Variants in LRRK1 observed in about 807,000 individuals in gnomAD.
LRRK1 encodes the protein leucine-rich repeat serine/threonine-protein kinase 1.
In LRRK1, 113 loss-of-function variants were observed where a neutral mutation model predicts 209.1. That is an observed-to-expected ratio of 0.54 (90% CI 0.46 to 0.63). LRRK1 has a LOEUF of 0.63. LRRK1 is among the 30% of genes least tolerant of loss of function. The pLI is 0.00. For missense variants in LRRK1, 2,284 were observed against 2,632.2 expected (o/e 0.87, Z 2.89); for synonymous variants, 1,144 against 1,099.7 (o/e 1.04, Z -0.80).
rs8043509 is a variant in LRRK1, at chr15:101,076,996, A to C, written c.*8148A>C. On this transcript the variant is annotated 3_prime_UTR_variant, in exon 34 of 34. Transcript: ENST00000388948. ...CAGCCAAGCGTTTTTTCAGGCTCTT[A>C]GTATTCAGTGAAACCTTTATATCCC... is the stretch of plus-strand genomic sequence containing the variant. The C allele has an allele frequency of 6.6e-6, 1 of 151,614 alleles. No homozygotes were observed. The highest frequency in any genetic ancestry group is 1.5e-5 in the Non-Finnish European group (1 of 67,886). The allele number at this position is 151,614 out of a possible 1,614,324, so 9.4% of individuals were successfully genotyped here. A position where few individuals can be genotyped will look rare whatever the true frequency, so the allele number is the denominator to read the frequency against.
rs142906955 is a variant in LRRK1 at position 101,032,855 on chromosome 15, A to G, written c.2963+3623A>G. Among the ~76,000 whole-genome samples the G allele has an allele frequency of 7.6e-3, 1,162 of 152,328 alleles. 20 individuals carry two copies. The highest frequency in any genetic ancestry group is 0.026 in the African/African-American group (1,101 of 41,564). On this transcript the variant is annotated intron_variant, in intron 20 of 33. Coordinates refer to ENST00000388948, the MANE Select transcript of LRRK1 (RefSeq NM_024652.6). The stretch of plus-strand genomic sequence containing the variant: ...TTTTGTTCCACTAATATATATGCCT[A>G]TCCTTATGCCAGTGCCAAACCCCAC...
intron 9 of LRRK1, among the ~76,000 whole-genome samples, chr15:101,011,794 C>G (rs2033262212): frequency 6.6e-6 from 1 of 152,128 alleles, no homozygotes; most frequent in South Asian, 2.1e-4. Flanking sequence ...ATGAGCTCCC[C>G]CAGGAAACCC....
At chr15:100,939,581 T>C (rs2042363924) in intron 2 of LRRK1, among the ~76,000 whole-genome samples, 1 of 152,246 alleles carries the variant, frequency 6.6e-6, no homozygotes, top group South Asian at 2.1e-4. Context: ...AACGTCCTAA[T>C]GGTTTTTCGA....
chr15:100,996,279 C>T (rs2032405503), intron 6 of LRRK1, among the ~76,000 whole-genome samples: 1 of 152,242 alleles, frequency 6.6e-6, no homozygotes, highest in South Asian at 2.1e-4. Flanking sequence ...TCTCAGCAGG[C>T]GGTGCTGCTG....
intron 1 of LRRK1, among the ~76,000 whole-genome samples, chr15:100,922,715 C>T (rs2141588962): frequency 6.6e-6 from 1 of 152,334 alleles, no homozygotes; most frequent in South Asian, 2.1e-4. Flanking sequence ...ATAAGGCTTT[C>T]ATCATCCCCT....
At chr15:101,039,814 C>A (rs2034662096) in intron 20 of LRRK1, among the ~76,000 whole-genome samples, 1 of 152,196 alleles carries the variant, frequency 6.6e-6, no homozygotes, top group African/African-American at 2.4e-5. Context: ...TTTTGTCCCC[C>A]AAAAATGCTT....
intron 2 of LRRK1, among the ~76,000 whole-genome samples, chr15:100,963,864 A>C (rs2030268671): frequency 6.6e-6 from 1 of 152,180 alleles, no homozygotes; most frequent in Non-Finnish European, 1.5e-5. Flanking sequence ...TCAATGTTTT[A>C]CTGTGTCAGG....
intron 11 of LRRK1, 81 bp downstream of exon 11, chr15:101,014,509 T>A: frequency 1.1e-6 from 1 of 949,642 alleles, no homozygotes; most frequent in South Asian, 1.4e-5. Flanking sequence ...AATGGTGGCA[T>A]GTGAGTCTGC....
chr15:100,980,398 G>T lies in LRRK1; in HGVS notation c.262-3130G>T, dbSNP rs74040209. On this transcript the variant is annotated intron_variant, in intron 3 of 33. Transcript: ENST00000388948. ...GTGGAAGAGAGATTAGTGTTTGTCA[G>T]GGGTTAGAGATGGTGAAAAGGAAGA... Among the ~76,000 whole-genome samples the T allele has an allele frequency of 2.4e-3, 360 of 152,246 alleles. 3 individuals are homozygous for T. Among genetic ancestry groups the T allele is most frequent in the African/African-American group, 8.3e-3 (346 of 41,546 alleles).
intron 12 of LRRK1, among the ~76,000 whole-genome samples, chr15:101,019,426 A>G (rs895811579): frequency 2.0e-5 from 3 of 152,214 alleles, no homozygotes; most frequent in African/African-American, 7.2e-5. Flanking sequence ...GCAAGGACTC[A>G]TACAAAGCCA....
chr15:101,004,655 CA>C (rs1396747448), intron 6 of LRRK1, among the ~76,000 whole-genome samples: 2 of 152,198 alleles, frequency 1.3e-5, no homozygotes, highest in African/African-American at 4.8e-5. Flanking sequence ...TCAAGCTGAA[CA>C]GAGCCCAAAA....
Position 100,988,711 on chromosome 15 carries a change from C to A in LRRK1, c.511C>A (p.Leu171Ile), listed in dbSNP as rs1032895584. 3 of 1,614,104 alleles carry A rather than the reference C, an allele frequency of 1.9e-6. No individual in the cohort carries two copies. Among genetic ancestry groups the A allele is most frequent in the African/African-American group, 2.7e-5 (2 of 74,940 alleles). ...CQRGHLGVVK[L>I]LVLTHGADPE... Reference sequence around the variant, plus strand: ...GCGAGGGCACCTGGGGGTTGTGAAGCTCCTGGTCCTGACGCACGGGGCTGA... The same window carrying A: ...GCGAGGGCACCTGGGGGTTGTGAAGATCCTGGTCCTGACGCACGGGGCTGA... Residue 171 changes from leucine to isoleucine, a missense_variant, in exon 5 of 34, where the codon CTC (leucine) becomes ATC (isoleucine). By Grantham distance (5) the Leu-to-Ile change is conservative (BLOSUM62 2). This residue lies in a region of LRRK1 where 134 missense variants were observed against 191.7 expected (regional missense o/e 0.70). Transcript: ENST00000388948.
In LRRK1 at chr15:101,074,065, C is replaced by G. The variant is rs2036894216; in HGVS notation, c.*5217C>G. ...GACGTCCAGGCGTTCTTTTACACAT[C>G]AGTCCCTCCCTAGTCTCTGTTCCCA... is the stretch of plus-strand genomic sequence containing the variant. On this transcript the variant is annotated 3_prime_UTR_variant, in exon 34 of 34. Coordinates refer to ENST00000388948, the MANE Select transcript of LRRK1 (RefSeq NM_024652.6). 1 of 152,188 alleles carries G rather than the reference C, an allele frequency of 6.6e-6. No homozygotes were observed. The highest frequency in any genetic ancestry group is 1.5e-5 in the Non-Finnish European group (1 of 68,028). 9.4% of individuals were successfully genotyped at this position (152,188 alleles called of 1,614,324 possible). A position where few individuals can be genotyped will look rare whatever the true frequency, so the allele number is the denominator to read the frequency against.
chr15:101,054,803 C>T (rs2035697489), intron 26 of LRRK1, 143 bp from the exon 27 acceptor site: 1 of 724,380 alleles, frequency 1.4e-6, no homozygotes, highest in Non-Finnish European at 2.2e-6. Flanking sequence ...TAGAGGGAGA[C>T]TCTGTCTCAA....
At chr15:100,922,250 G>A (rs1015814394) in intron 1 of LRRK1, among the ~76,000 whole-genome samples, 5 of 152,208 alleles carry the variant, frequency 3.3e-5, no homozygotes, top group African/African-American at 7.2e-5. Context: ...TGAGGGCAAA[G>A]ATTGAGCAAA....
In LRRK1 at chr15:101,065,540, C is replaced by A; in HGVS notation, c.5103C>A (p.Ser1701Arg). 1.9e-6 allele frequency: 3 copies of A among 1,614,190 alleles called. No individual in the cohort carries two copies. In the South Asian group the frequency reaches 3.3e-5, roughly 18 times the overall value. ...TGAAGGCCATGGAGGTGGTCAACAGCGGCTCTGAGGTCTGGTACAGCAATG... is the reference window on the plus strand; with the variant it reads ...TGAAGGCCATGGAGGTGGTCAACAGAGGCTCTGAGGTCTGGTACAGCAATG... ...YPVKAMEVVN[S>R]GSEVWYSNGP... Residue 1701 changes from serine to arginine, a missense_variant, in exon 32 of 34, where the codon AGC becomes AGA. By Grantham distance (110) the Ser-to-Arg change is moderately radical. Coordinates refer to ENST00000388948, the MANE Select transcript of LRRK1 (RefSeq NM_024652.6).
intron 3 of LRRK1, among the ~76,000 whole-genome samples, chr15:100,983,124 G>C (rs888843207): frequency 6.6e-6 from 1 of 152,196 alleles, no homozygotes; most frequent in Non-Finnish European, 1.5e-5. Context: ...GCAGTGAGCT[G>C]AGATTGCACT....
rs905118588 is a variant in LRRK1, at chr15:101,010,940, C to G, written c.1281+103C>G. ...TTATGTCAGTTCATCCCCTCAGCAG[C>G]GAAGCCGGGTAGAAGGGCCCGGTTC... On this transcript the variant is annotated intron_variant, in intron 9 of 33. Transcript: ENST00000388948. The G allele has an allele frequency of 4.9e-6, 5 of 1,028,452 alleles. No homozygotes were observed. In the Middle Eastern group the frequency reaches 8.9e-4, roughly 183 times the overall value. 63.7% of individuals were successfully genotyped at this position (1,028,452 alleles called of 1,614,324 possible).
intron 2 of LRRK1, among the ~76,000 whole-genome samples, chr15:100,938,762 G>T (rs1207462246): frequency 6.6e-6 from 1 of 152,116 alleles, no homozygotes; most frequent in Non-Finnish European, 1.5e-5. Flanking sequence ...CTGTTGACAG[G>T]CTAGGCTTCT....
Sources: gnomAD v4.1 joint callset for allele counts (sites outside exome capture counted in the v4.1 genomes callset) on GRCh38, gnomAD v4.1.1 for gene constraint, gnomAD v4.1.1 regional missense constraint, MANE v1.5 for transcripts, NCBI Gene and HGNC (gene_info 2026-07-23, HGNC 2026-07-21) for gene names.